RPS6KA2: variants seen among roughly 807,000 people sequenced by gnomAD.
RPS6KA2 encodes the protein ribosomal protein S6 kinase A2, also known as ribosomal protein S6 kinase alpha-2.
In RPS6KA2, 42 loss-of-function variants were observed where a neutral mutation model predicts 91.8. The ratio of observed to expected loss-of-function variants is 0.46; its 90% CI spans 0.36 to 0.59. The LOEUF (loss-of-function observed/expected upper bound fraction) is 0.59, where lower values mean the gene tolerates loss of function less well. Ranked by LOEUF, RPS6KA2 falls within the 20% of genes least tolerant of loss-of-function variation. The probability of loss-of-function intolerance (pLI) is 0.00; values close to 1 mark genes in which losing one functional copy is unlikely to be tolerated. For synonymous variants in RPS6KA2, 414 were observed against 393.6 expected, an observed-to-expected ratio of 1.05 and a Z score of -0.61; for missense variants, 798 against 978.5, an observed-to-expected ratio of 0.82 and a Z score of 2.46.
At chr6:166,692,154 C>G (rs1483941626) in intron 2 of RPS6KA2, among the ~76,000 whole-genome samples, 2 of 151,956 alleles carry the variant, frequency 1.3e-5, no homozygotes, top group Non-Finnish European at 2.9e-5. Flanking sequence ...CCACAAGTGT[C>G]CCCTGTCAAG....
rs576107962 is a variant in RPS6KA2, at chr6:166,448,962, T to C, written c.1207-113A>G. 7.9e-4 allele frequency: 1,045 copies of C among 1,330,902 alleles called. 1 individual carries two copies. The highest frequency in any genetic ancestry group is 9.9e-4 in the Non-Finnish European group (952 of 957,562). The allele number at this position is 1,330,902 out of a possible 1,614,324, so 82.4% of individuals were successfully genotyped here. ...AGAGGCACCGACTGTGAACTGAGTG[T>C]GTGGAGGCCTGGGAGCTCATGGGTC... On this transcript the variant is annotated intron_variant, in intron 13 of 20. Coordinates refer to ENST00000265678, the MANE Select transcript of RPS6KA2 (RefSeq NM_021135.6). This position sits in a 1 kb window ranked among gnomAD's most constrained non-coding sequence, Gnocchi z 4.7.
intron 2 of RPS6KA2, among the ~76,000 whole-genome samples, chr6:166,845,609 G>A (rs377658920): frequency 5.9e-5 from 9 of 152,160 alleles, no homozygotes; most frequent in South Asian, 4.1e-4. Context: ...GCTCCTGAAC[G>A]ACTGTTGGGT....
intron 2 of RPS6KA2, among the ~76,000 whole-genome samples, chr6:166,791,492 A>G (rs1485850359): frequency 6.6e-6 from 1 of 152,218 alleles, no homozygotes; most frequent in African/African-American, 2.4e-5. Flanking sequence ...CAGGAATTGA[A>G]CTCAGCTCTG....
chr6:166,763,709 C>T (rs1778231450), intron 2 of RPS6KA2, among the ~76,000 whole-genome samples: 1 of 152,150 alleles, frequency 6.6e-6, no homozygotes, highest in South Asian at 2.1e-4. Context: ...TGAGAAAAGG[C>T]GTTTCGTAAG....
At chr6:166,510,662 G>T (rs1036470115) in intron 3 of RPS6KA2, among the ~76,000 whole-genome samples, 1 of 134,872 alleles carries the variant, frequency 7.4e-6, no homozygotes, top group Non-Finnish European at 1.6e-5. Context: ...TTACTCTGAG[G>T]TGCATGTGCA....
chr6:166,628,821 CT>C (rs1421192268), upstream of RPS6KA2, among the ~76,000 whole-genome samples: 3 of 152,218 alleles, frequency 2.0e-5, no homozygotes, highest in Non-Finnish European at 2.9e-5. Context: ...TGTGGGAGTG[CT>C]TTGTGAATTT....
At position 166,612,668 on chromosome 6, in the gene RPS6KA2, C is replaced by A. The variant is rs555458026; in HGVS notation, c.99+14253G>T. On this transcript the variant is annotated intron_variant, in intron 1 of 20. Transcript: ENST00000265678. The surrounding 1 kb of genome is among the most constrained non-coding windows in gnomAD (Gnocchi z 4.3). ...TGCTCCATTTATCACTCTGTCCGGG[C>A]GTCTGTTGTTACCCATGCTCGGGTA... is the stretch of plus-strand genomic sequence containing the variant. 2.0e-4 allele frequency among the ~76,000 whole-genome samples: 31 copies of A among 152,040 alleles called. No individual in the cohort carries two copies. Among genetic ancestry groups the A allele is most frequent in the Non-Finnish European group, 4.1e-4 (28 of 67,964 alleles).
rs903551105 is a variant in RPS6KA2, at chr6:166,701,859, C to A, written c.123+156341G>T. 4.4e-6 allele frequency: 4 copies of A among 905,668 alleles called. No individual in the cohort carries two copies. The African/African-American group carries it at 6.6e-5, about 15-fold the overall frequency. The allele number at this position is 905,668 out of a possible 1,614,324, so 56.1% of individuals were successfully genotyped here. ...TTGCCTTTAGCTGTAATGGTGTGTTCTGGATTATACTGCATCAGTTCCTGC... is the reference window on the plus strand; with the variant it reads ...TTGCCTTTAGCTGTAATGGTGTGTTATGGATTATACTGCATCAGTTCCTGC... On this transcript the variant is annotated intron_variant, in intron 2 of 21. Transcript: ENST00000503859.
chr6:166,648,547 T>C lies in RPS6KA2; in HGVS notation c.124-109763A>G, dbSNP rs998385930. On this transcript the variant is annotated intron_variant, in intron 2 of 21. Coordinates refer to the RPS6KA2 transcript ENST00000503859. This position sits in a 1 kb window ranked among gnomAD's most constrained non-coding sequence, Gnocchi z 4.8. ...GGGCATTTAATAAATGTTTCTGGAT[T>C]GAACACGTGAGTGAGTTCGTATATT... Among the ~76,000 whole-genome samples, 22 of 152,222 alleles carry C rather than the reference T, an allele frequency of 1.4e-4. No individual in the cohort carries two copies. Among genetic ancestry groups the C allele is most frequent in the African/African-American group, 5.3e-4 (22 of 41,438 alleles).
chr6:166,504,744 C>A, intron 5 of RPS6KA2, 132 bp from the exon 6 acceptor site: 1 of 602,142 alleles, frequency 1.7e-6, no homozygotes, highest in East Asian at 3.0e-5. Flanking sequence ...ACGCTATGGC[C>A]CCCCAGAGTG....
At chr6:166,530,114 T>C (rs1216107338) in intron 3 of RPS6KA2, among the ~76,000 whole-genome samples, 1 of 152,200 alleles carries the variant, frequency 6.6e-6, no homozygotes, top group Non-Finnish European at 1.5e-5. Flanking sequence ...CAGAGAATGA[T>C]ATATTTGTAC....
chr6:166,734,116 C>T lies in RPS6KA2; in HGVS notation c.123+124084G>A, dbSNP rs114767493. On this transcript the variant is annotated intron_variant, in intron 2 of 21. Coordinates refer to the RPS6KA2 transcript ENST00000503859. ...TCACCTGTTTAGAGGTTGGGACAGG[C>T]CCTGAGGGGAGAGAGGAAAGTTAGG... 3.2e-3 allele frequency among the ~76,000 whole-genome samples: 481 copies of T among 152,308 alleles called. 1 individual carries two copies. Among genetic ancestry groups the T allele is most frequent in the African/African-American group, 0.011 (446 of 41,564 alleles).
At chr6:166,731,287 A>G (rs9459730) in intron 2 of RPS6KA2, among the ~76,000 whole-genome samples, 3,018 of 152,262 alleles carry the variant, frequency 0.02, 108 homozygotes, top group African/African-American at 0.067. Flanking sequence ...GTGTTTTCCA[A>G]TGAAGAGGCA....
intron 2 of RPS6KA2, among the ~76,000 whole-genome samples, chr6:166,642,131 A>T (rs1384872972): frequency 1.3e-5 from 2 of 150,404 alleles, no homozygotes; most frequent in East Asian, 3.9e-4. Context: ...CCAAAAACCG[A>T]AAAAAAAAAT....
chr6:166,668,828 CTCCCTCCCTCCTCCA>C (rs1209226415), intron 2 of RPS6KA2, among the ~76,000 whole-genome samples: 1 of 145,802 alleles, frequency 6.9e-6, no homozygotes, highest in Non-Finnish European at 1.5e-5. Context: ...CCATCCCTCC[CTCCCTCCCTCCTCCA>C]TCCCTCCCTC....
chr6:166,776,751 T>C (rs1778631634), intron 2 of RPS6KA2, among the ~76,000 whole-genome samples: 1 of 152,218 alleles, frequency 6.6e-6, no homozygotes, highest in Non-Finnish European at 1.5e-5. Context: ...TTCCTTCCCT[T>C]TAGTGGCTAC....
chr6:166,540,755 C>T (rs1783627993), intron 1 of RPS6KA2, among the ~76,000 whole-genome samples: 1 of 152,036 alleles, frequency 6.6e-6, no homozygotes, highest in Non-Finnish European at 1.5e-5. Flanking sequence ...GTGAAATCTC[C>T]TGGTTTATGG....
intron 14 of RPS6KA2, among the ~76,000 whole-genome samples, chr6:166,440,687 C>T (rs910661468): frequency 1.3e-5 from 2 of 152,162 alleles, no homozygotes; most frequent in East Asian, 1.9e-4. Context: ...TATCAGCAAT[C>T]GATTATGACT....
chr6:166,636,071 C>A (rs1026794310), intron 2 of RPS6KA2, among the ~76,000 whole-genome samples: 2 of 152,228 alleles, frequency 1.3e-5, no homozygotes, highest in Admixed American at 1.3e-4. Context: ...GTTCTGCCTA[C>A]ACTGACTCTG....
Sources: gnomAD v4.1 joint callset for allele counts (sites outside exome capture counted in the v4.1 genomes callset) on GRCh38, gnomAD v4.1.1 for gene constraint, Gnocchi (gnomAD v3.1) non-coding constraint, MANE v1.5 for transcripts, NCBI Gene and HGNC (gene_info 2026-07-23, HGNC 2026-07-21) for gene names.